Variants in PADI4 observed in about 807,000 individuals in gnomAD.
PADI4 encodes the protein protein-arginine deiminase type-4.
Under a neutral mutation model 75.0 loss-of-function variants are expected in PADI4, and 62 were observed. That is an observed-to-expected ratio of 0.83 (90% CI 0.67 to 1.02). The LOEUF (loss-of-function observed/expected upper bound fraction) is 1.02. PADI4 is among the 50% of genes least tolerant of loss of function. PADI4 has a pLI of 0.00. For synonymous variants in PADI4, 361 were observed against 348.1 expected, an observed-to-expected ratio of 1.04 and a Z score of -0.41; for missense variants, 845 against 850.5, an observed-to-expected ratio of 0.99 and a Z score of 0.08.
rs925353406 is a variant in PADI4, at chr1:17,354,475, G to A, written c.1156-58G>A. The A allele has an allele frequency of 7.8e-6, 12 of 1,530,174 alleles. No homozygotes were observed. In the East Asian group the frequency reaches 9.0e-5, roughly 11 times the overall value. 94.8% of individuals were successfully genotyped at this position (1,530,174 alleles called of 1,614,324 possible). A position where few individuals can be genotyped will look rare whatever the true frequency, so the allele number is the denominator to read the frequency against. On this transcript the variant is annotated intron_variant, in intron 10 of 15. Coordinates refer to ENST00000375448, the MANE Select transcript of PADI4 (RefSeq NM_012387.3). ...GTTCATCTCTAAACTTGGACCCCCC[G>A]ACCCTTCACCAGGGACCTCATTCCT... is the stretch of plus-strand genomic sequence containing the variant.
rs35072789 is a variant in PADI4, at chr1:17,309,172, GAAAA to G, written c.92+871_92+874del. Among the ~76,000 whole-genome samples the G allele has an allele frequency of 2.5e-3, 361 of 143,618 alleles. 3 individuals are homozygous for G. Among genetic ancestry groups the G allele is most frequent in the African/African-American group, 4.6e-3 (179 of 38,562 alleles). The allele number at this position is 143,618 out of a possible 152,430, so 94.2% of individuals were successfully genotyped here. A position where few individuals can be genotyped will look rare whatever the true frequency, so the allele number is the denominator to read the frequency against. On this transcript the variant is annotated intron_variant, in intron 1 of 15. Transcript: ENST00000375448. ...AAAAAAAAAAAAACAATTTTCCCTG[GAAAA>G]AAAAAAAAAAAAGAGCTGGAGTCCC... is the stretch of plus-strand genomic sequence containing the variant.
chr1:17,325,703 C>T (rs529855847), intron 1 of PADI4, among the ~76,000 whole-genome samples: 1 of 122,432 alleles, frequency 8.2e-6, no homozygotes, highest in African/African-American at 3.3e-5. Context: ...TTTGATCCTA[C>T]CACGTTCCTG....
intron 1 of PADI4, among the ~76,000 whole-genome samples, chr1:17,325,739 C>CTCTCTGTT (rs2074107732): frequency 6.7e-6 from 1 of 150,058 alleles, no homozygotes; most frequent in Non-Finnish European, 1.5e-5. Context: ...AACAGAGTCT[C>CTCTCTGTT]ACTCTGTTAC....
intron 10 of PADI4, among the ~76,000 whole-genome samples, chr1:17,352,472 G>A (rs977944629): frequency 6.6e-6 from 1 of 152,150 alleles, no homozygotes. Flanking sequence ...GTTGAGTAAA[G>A]AGAACAGAGG....
chr1:17,311,867 C>G (rs2073837252), intron 1 of PADI4, among the ~76,000 whole-genome samples: 1 of 152,222 alleles, frequency 6.6e-6, no homozygotes, highest in East Asian at 1.9e-4. Context: ...CAGTGGGGAG[C>G]CTGGACAAGT....
At chr1:17,314,252 C>A (rs1015641953) in intron 1 of PADI4, among the ~76,000 whole-genome samples, 3 of 152,172 alleles carry the variant, frequency 2.0e-5, no homozygotes, top group African/African-American at 7.2e-5. Flanking sequence ...CCTCTCCTGT[C>A]CCCATCCTCT....
intron 1 of PADI4, among the ~76,000 whole-genome samples, chr1:17,314,417 G>A (rs1161217049): frequency 1.3e-5 from 2 of 152,220 alleles, no homozygotes; most frequent in Non-Finnish European, 2.9e-5. Flanking sequence ...CCAGGTAGGT[G>A]TATCATAAAT....
intron 1 of PADI4, among the ~76,000 whole-genome samples, chr1:17,312,935 T>C (rs1234481863): frequency 6.6e-6 from 1 of 151,826 alleles, no homozygotes; most frequent in Admixed American, 6.6e-5. Context: ...CTCACGCCTG[T>C]AATCCCAACA....
rs1409697888 is a variant in PADI4, at chr1:17,359,372, A to G, written c.1722A>G (p.Lys574=). Residue 574 remains lysine, a synonymous_variant, in exon 15 of 16, where the codon AAA becomes AAG. Transcript: ENST00000375448. The part of the protein sequence containing the change: ...IIDIPQLFKL[K]EFSKAEAFFP... ...ACATCCCGCAGCTCTTCAAGCTCAA[A>G]GAGTTCTCTAAGGCGGAAGCTTTTT... 77 of 1,614,020 alleles carry G rather than the reference A, an allele frequency of 4.8e-5. No homozygotes were observed. Among genetic ancestry groups the G allele is most frequent in the Non-Finnish European group, 6.4e-5 (75 of 1,180,014 alleles).
At chr1:17,322,490 C>CA (rs974611877) in intron 1 of PADI4, among the ~76,000 whole-genome samples, 1 of 121,328 alleles carries the variant, frequency 8.2e-6, no homozygotes, top group Non-Finnish European at 1.7e-5. Flanking sequence ...CTCCATCCCC[C>CA]CCCAAAAAAA....
intron 1 of PADI4, among the ~76,000 whole-genome samples, chr1:17,314,174 C>A (rs1322845521): frequency 6.6e-6 from 1 of 152,174 alleles, no homozygotes; most frequent in Non-Finnish European, 1.5e-5. Flanking sequence ...CTGCTGTGTG[C>A]CCCTCGGCCT....
rs1432299339 is a variant in PADI4 at position 17,347,992 on chromosome 1, G to A, written c.1099G>A (p.Val367Ile). 2 of 1,609,634 alleles carry A rather than the reference G, an allele frequency of 1.2e-6. No homozygotes were observed. The highest frequency in any genetic ancestry group is 2.7e-5 in the African/African-American group (2 of 74,832). Residue 367 changes from valine (V) to isoleucine (I), a missense_variant, in exon 10 of 16, where the codon GTC (valine) becomes ATC (isoleucine). Physicochemically the swap from Val to Ile is conservative, Grantham distance 29. Coordinates refer to ENST00000375448, the MANE Select transcript of PADI4 (RefSeq NM_012387.3). Reference sequence around the variant, plus strand: ...AGCCCCACACAAAACGCTGCCCGTGGTCTTCGACTCTCCAAGGAACAGAGG... The same window carrying A: ...AGCCCCACACAAAACGCTGCCCGTGATCTTCGACTCTCCAAGGAACAGAGG... ...IQAPHKTLPV[V>I]FDSPRNRGLK...
intron 2 of PADI4, among the ~76,000 whole-genome samples, chr1:17,332,021 G>A (rs4920598): frequency 0.55 from 83,972 of 152,010 alleles, 23,431 homozygotes; most frequent in East Asian, 0.59. Context: ...GTGCCAGCAG[G>A]GCCAGATTTT....
intron 1 of PADI4, among the ~76,000 whole-genome samples, chr1:17,314,573 C>G (rs534924265): frequency 4.3e-4 from 65 of 152,286 alleles, no homozygotes; most frequent in African/African-American, 1.5e-3. Context: ...CCGGGCCCTC[C>G]AAACCTTGCA....
chr1:17,336,283 C>G lies in PADI4; in HGVS notation c.408+57C>G, dbSNP rs1051691903. On this transcript the variant is annotated intron_variant, in intron 4 of 15. Transcript: ENST00000375448. ...TCTACTGGATTCTCCCCGGGCGCCC[C>G]CTTGTGGTGATGGGGCAAATGCTGG... 4.3e-6 allele frequency: 6 copies of G among 1,400,528 alleles called. No individual in the cohort carries two copies. The African/African-American group carries it at 8.5e-5, about 20-fold the overall frequency. 86.8% of individuals were successfully genotyped at this position (1,400,528 alleles called of 1,614,324 possible).
At position 17,339,736 on chromosome 1, in the gene PADI4, ACTT is replaced by A; in HGVS notation, c.580_582del (p.Phe194del). 1 of 1,613,960 alleles carries A rather than the reference ACTT, an allele frequency of 6.2e-7. No homozygotes were observed. The highest frequency in any genetic ancestry group is 1.1e-5 in the South Asian group (1 of 91,070). ...ACCCTGAGCACGAAGACCCCCAAGGACTTCTTCACAAACCATACACTGGTGCTC... is the reference window on the plus strand; with the variant it reads ...ACCCTGAGCACGAAGACCCCCAAGGACTTCACAAACCATACACTGGTGCTC... On this transcript the variant is annotated inframe_deletion, in exon 6 of 16. Transcript: ENST00000375448.
At chr1:17,311,681 T>C (rs56298471) in intron 1 of PADI4, among the ~76,000 whole-genome samples, 10 of 152,162 alleles carry the variant, frequency 6.6e-5, no homozygotes, top group African/African-American at 9.6e-5. Context: ...CCTGCCACCA[T>C]GCCTGGCTAA....
rs769365946 is a variant in PADI4, at chr1:17,308,308, T to A, written c.86T>A (p.Ile29Asn). ...CVLGTLTQLD[I>N]CSSAPEDCTS... The stretch of plus-strand genomic sequence containing the variant: ...CTGGGCACCTTGACTCAGCTTGACA[T>A]CTGCAGGTAAGAGGGGGGCCTTCTG... Residue 29 changes from isoleucine to asparagine, a missense_variant, in exon 1 of 16, where the codon ATC (isoleucine) becomes AAC (asparagine). Ile to Asn is a moderately radical substitution (Grantham distance 149). Coordinates refer to ENST00000375448, the MANE Select transcript of PADI4 (RefSeq NM_012387.3). 20 of 1,613,544 alleles carry A rather than the reference T, an allele frequency of 1.2e-5. No individual in the cohort carries two copies. The highest frequency in any genetic ancestry group is 1.6e-5 in the Non-Finnish European group (19 of 1,179,682).
chr1:17,350,129 T>G (rs1403031949), intron 10 of PADI4, among the ~76,000 whole-genome samples: 3 of 128,088 alleles, frequency 2.3e-5, no homozygotes, highest in African/African-American at 7.6e-5. Flanking sequence ...TTTGTTAAAA[T>G]CATGGACTCG....
Sources: allele counts gnomAD v4.1 joint callset (sites outside exome capture counted in the v4.1 genomes callset), GRCh38; gene constraint gnomAD v4.1.1; transcripts MANE v1.5; gene names NCBI Gene and HGNC (gene_info 2026-07-23, HGNC 2026-07-21).